Variants in MTUS1 observed in about 807,000 individuals in gnomAD.
MTUS1 encodes microtubule-associated tumor suppressor 1.
A neutral mutation model predicts 120.8 loss-of-function variants in MTUS1; 109 were observed. The observed-to-expected ratio is 0.90, with a 90% confidence interval of 0.77 to 1.06. MTUS1 has a LOEUF of 1.06. MTUS1 is among the 50% of genes least tolerant of loss of function. MTUS1 has a pLI of 0.00. For synonymous variants in MTUS1, 737 were observed against 550.5 expected (o/e 1.34, Z -4.74); for missense variants, 2,210 against 1,486.3 (o/e 1.49, Z -8.01).
At chr8:17,746,785 C>G (rs184795363) in intron 2 of MTUS1, among the ~76,000 whole-genome samples, 1 of 152,192 alleles carries the variant, frequency 6.6e-6, no homozygotes, top group Non-Finnish European at 1.5e-5. Flanking sequence ...TGTATCAATT[C>G]ACTTAACCCT....
chr8:17,748,570 C>T (rs1395021823), intron 2 of MTUS1, among the ~76,000 whole-genome samples: 1 of 152,208 alleles, frequency 6.6e-6, no homozygotes, highest in Non-Finnish European at 1.5e-5. Context: ...GCCAAGAGAG[C>T]ACTGTAGCAT....
intron 1 of MTUS1, among the ~76,000 whole-genome samples, chr8:17,780,389 T>C (rs966289050): frequency 1.3e-5 from 2 of 152,162 alleles, no homozygotes; most frequent in African/African-American, 2.4e-5. Flanking sequence ...GCCTCGGGTA[T>C]TTCAATCTAG....
chr8:17,785,878 GTC>G (rs1444503762), intron 1 of MTUS1, among the ~76,000 whole-genome samples: 1 of 152,138 alleles, frequency 6.6e-6, no homozygotes, highest in African/African-American at 2.4e-5. Context: ...GGTACCATGG[GTC>G]ATGCCTGTAA....
rs961958496 is a variant in MTUS1, at chr8:17,647,069, T to C, written c.3512A>G (p.Asn1171Ser). Residue 1171 changes from asparagine to serine, a missense_variant, in exon 14 of 15, where the codon AAC becomes AGC. Asn to Ser is a conservative substitution (Grantham distance 46). Coordinates refer to ENST00000693296, the MANE Select transcript of MTUS1 (RefSeq NM_001363059.2). Reference protein sequence around the residue: ...LMKMEKLVDNNTALVDKLKRF... With the variant: ...LMKMEKLVDNSTALVDKLKRF... Reference sequence around the variant, plus strand: ...CTTCAATTTGTCAACCAATGCTGTGTTGTTGTCCACCTTGGCATAAACAAG... The same window carrying C: ...CTTCAATTTGTCAACCAATGCTGTGCTGTTGTCCACCTTGGCATAAACAAG... The C allele has an allele frequency of 1.2e-6, 2 of 1,613,944 alleles. No individual in the cohort carries two copies. The highest frequency in any genetic ancestry group is 1.3e-5 in the African/African-American group (1 of 75,022).
chr8:17,712,237 C>G (rs566958769), intron 6 of MTUS1, among the ~76,000 whole-genome samples: 1 of 152,230 alleles, frequency 6.6e-6, no homozygotes, highest in Admixed American at 6.5e-5. Context: ...TTCTAATCTG[C>G]CATGGATTTA....
intron 6 of MTUS1, among the ~76,000 whole-genome samples, chr8:17,711,255 ATCT>A (rs1194668918): frequency 6.6e-6 from 1 of 152,208 alleles, no homozygotes; most frequent in African/African-American, 2.4e-5. Context: ...CCTAAACAGC[ATCT>A]TCTTTCAATA....
intron 1 of MTUS1, among the ~76,000 whole-genome samples, chr8:17,795,219 T>C (rs2052126854): frequency 6.6e-6 from 1 of 152,162 alleles, no homozygotes; most frequent in Non-Finnish European, 1.5e-5. Context: ...TACACAAGAA[T>C]GTATGTTACG....
intron 8 of MTUS1, among the ~76,000 whole-genome samples, chr8:17,661,769 T>C (rs1474327914): frequency 3.9e-5 from 6 of 152,082 alleles, no homozygotes; most frequent in Admixed American, 1.3e-4. Flanking sequence ...ACTGCTGTTA[T>C]TGTAATAGTC....
chr8:17,782,519 T>A (rs1301465764), intron 1 of MTUS1, among the ~76,000 whole-genome samples: 1 of 152,212 alleles, frequency 6.6e-6, no homozygotes, highest in Non-Finnish European at 1.5e-5. Flanking sequence ...ACTATTAAAA[T>A]GAAGCATAAG....
intron 4 of MTUS1, among the ~76,000 whole-genome samples, chr8:17,717,642 T>C (rs1357467869): frequency 6.6e-6 from 1 of 152,212 alleles, no homozygotes; most frequent in Non-Finnish European, 1.5e-5. Flanking sequence ...TTCTAAAATT[T>C]AGAGACACAA....
intron 1 of MTUS1, among the ~76,000 whole-genome samples, chr8:17,758,939 T>C (rs1250919048): frequency 6.6e-6 from 1 of 152,240 alleles, no homozygotes; most frequent in African/African-American, 2.4e-5. Context: ...TGGAGTGCAG[T>C]GGCGCGATCT....
chr8:17,720,538 T>C (rs570879160), intron 4 of MTUS1, among the ~76,000 whole-genome samples: 1 of 152,284 alleles, frequency 6.6e-6, no homozygotes, highest in East Asian at 1.9e-4. Flanking sequence ...TCTGCACCTC[T>C]TACATTTCCC....
intron 4 of MTUS1, chr8:17,722,032 C>G (rs993450950): frequency 1.5e-6 from 2 of 1,342,976 alleles, no homozygotes; most frequent in Admixed American, 3.4e-5. Context: ...AGGCACTACA[C>G]AAAACAGATT....
chr8:17,666,259 GT>G (rs1810887744), intron 8 of MTUS1, among the ~76,000 whole-genome samples: 1 of 147,056 alleles, frequency 6.8e-6, no homozygotes, highest in Admixed American at 6.9e-5. Context: ...AAGGAATCCT[GT>G]TTCAATCAAG....
intron 1 of MTUS1, among the ~76,000 whole-genome samples, chr8:17,798,885 G>A (rs1301988370): frequency 6.6e-6 from 1 of 152,120 alleles, no homozygotes; most frequent in Non-Finnish European, 1.5e-5. Context: ...TATCCCAGGA[G>A]AAAAATCTGG....
At chr8:17,713,802 CT>C (rs1821798800) in intron 5 of MTUS1, among the ~76,000 whole-genome samples, 1 of 152,132 alleles carries the variant, frequency 6.6e-6, no homozygotes. Flanking sequence ...ATAGTTGTTT[CT>C]AGGACATAAT....
intron 6 of MTUS1, among the ~76,000 whole-genome samples, chr8:17,704,381 G>C (rs442695): frequency 0.1 from 15,851 of 152,094 alleles, 1,487 homozygotes; most frequent in African/African-American, 0.25. Context: ...CCCATGTTTT[G>C]TTTGAGGTGT....
At chr8:17,704,704 C>T (rs2130940685) in intron 6 of MTUS1, among the ~76,000 whole-genome samples, 1 of 152,264 alleles carries the variant, frequency 6.6e-6, no homozygotes, top group South Asian at 2.1e-4. Flanking sequence ...AACTGTGATG[C>T]CTCCAGCTTT....
At chr8:17,775,271 AT>A (rs200318203) in intron 1 of MTUS1, among the ~76,000 whole-genome samples, 108 of 150,638 alleles carry the variant, frequency 7.2e-4, no homozygotes, top group African/African-American at 1.5e-3. Context: ...TTTTACCATA[AT>A]TTTTTTTTTA....
Sources: allele counts gnomAD v4.1 joint callset (sites outside exome capture counted in the v4.1 genomes callset), GRCh38; gene constraint gnomAD v4.1.1; transcripts MANE v1.5; gene names NCBI Gene and HGNC (gene_info 2026-07-23, HGNC 2026-07-21).